CLN6: variants seen among roughly 807,000 people sequenced by gnomAD.
The protein encoded by CLN6 is ceroid-lipofuscinosis neuronal protein 6.
A neutral mutation model predicts 33.3 loss-of-function variants in CLN6; 22 were observed. The ratio of observed to expected loss-of-function variants is 0.66; its 90% CI spans 0.47 to 0.94. The LOEUF is 0.94. CLN6 is among the 40% of genes least tolerant of loss of function. The pLI, the probability that CLN6 is intolerant of heterozygous loss-of-function variation, is 0.00. For missense variants in CLN6, 387 were observed against 417.1 expected (o/e 0.93, Z 0.63); for synonymous variants, 201 against 174.6 (o/e 1.15, Z -1.19).
At chr15:68,224,757 C>T (rs1019527067) in intron 1 of CLN6, among the ~76,000 whole-genome samples, 4 of 152,152 alleles carry the variant, frequency 2.6e-5, no homozygotes, top group Admixed American at 1.3e-4. Context: ...GCAACCTCAA[C>T]CCTGTCCCAA....
chr15:68,211,858 G>T lies in CLN6; in HGVS notation c.303C>A (p.Ile101=). 1.2e-6 allele frequency: 2 copies of T among 1,613,432 alleles called. No homozygotes were observed. The highest frequency in any genetic ancestry group is 1.7e-6 in the Non-Finnish European group (2 of 1,179,936). The change falls in exon 4 of 7, where the codon ATC becomes ATA. Residue 101 remains isoleucine, a synonymous_variant. Transcript: ENST00000249806. The surrounding 1 kb of genome is among the most constrained non-coding windows in gnomAD (Gnocchi z 5.9). ...GTGGCAGGGTGCGGGGGGACCGCTC[G>T]ATGAGCTGGGGTTCAGAGTGGGGTT... ...VITPFLLLKL[I]ERSPRTLPRS...
chr15:68,255,959 A>G (rs2141168809), intron 1 of CLN6, among the ~76,000 whole-genome samples: 1 of 151,902 alleles, frequency 6.6e-6, no homozygotes, highest in East Asian at 1.9e-4. Context: ...ATGCCTGGCT[A>G]ATTAATTTTT....
rs1430252107 is a variant in CLN6, at chr15:68,228,653, C to T, written c.83+849G>A. Among the ~76,000 whole-genome samples, 2 of 152,102 alleles carry T rather than the reference C, an allele frequency of 1.3e-5. No homozygotes were observed. The highest frequency in any genetic ancestry group is 4.8e-5 in the African/African-American group (2 of 41,404). ...CAGCCTGTCTTCCCTGGGTCCCCTA[C>T]CAAGTCCTCTGAGACTCAGCTCAAG... On this transcript the variant is annotated intron_variant, in intron 1 of 6. Transcript: ENST00000249806. The surrounding 1 kb of genome is among the most constrained non-coding windows in gnomAD (Gnocchi z 4.4).
chr15:68,222,042 G>A (rs1234366504), intron 1 of CLN6, among the ~76,000 whole-genome samples: 1 of 147,766 alleles, frequency 6.8e-6, no homozygotes, highest in African/African-American at 2.5e-5. Context: ...CGTCTGGGAT[G>A]TGAGGAGCGC....
intron 1 of CLN6, among the ~76,000 whole-genome samples, chr15:68,245,383 T>C (rs976258473): frequency 1.3e-5 from 2 of 151,960 alleles, no homozygotes; most frequent in African/African-American, 4.8e-5. Context: ...GGCAACATGT[T>C]GAAACCTCAT....
At chr15:68,232,880 A>G (rs953588472), upstream of CLN6, among the ~76,000 whole-genome samples, 2 of 152,058 alleles carry the variant, frequency 1.3e-5, no homozygotes, top group Non-Finnish European at 2.9e-5. This position sits in a 1 kb window ranked among gnomAD's most constrained non-coding sequence, Gnocchi z 4.7. Context: ...TGTCTCTACT[A>G]AAAATACAAA....
At chr15:68,249,312 C>T (rs367848909) in intron 1 of CLN6, among the ~76,000 whole-genome samples, 1 of 152,228 alleles carries the variant, frequency 6.6e-6, no homozygotes, top group Non-Finnish European at 1.5e-5. Context: ...CCAGCAATTC[C>T]ACCACTGGGT....
At chr15:68,251,943 A>ATG (rs1029362697) in intron 1 of CLN6, among the ~76,000 whole-genome samples, 5 of 139,970 alleles carry the variant, frequency 3.6e-5, no homozygotes, top group African/African-American at 1.0e-4. Context: ...GTGCGTGTGT[A>ATG]TGTGTGTGTG....
rs906932953 is a variant in CLN6 at position 68,227,165 on chromosome 15, G to A, written c.83+2337C>T. Among the ~76,000 whole-genome samples the A allele has an allele frequency of 1.3e-5, 2 of 151,942 alleles. No homozygotes were observed. The highest frequency in any genetic ancestry group is 4.8e-5 in the African/African-American group (2 of 41,448). ...GGATCCTGGTGCCTCAGCCTCCTGA[G>A]TAGCTGGGATTACAGGCATGGGCCA... On this transcript the variant is annotated intron_variant, in intron 1 of 6. Transcript: ENST00000249806. The surrounding 1 kb of genome is among the most constrained non-coding windows in gnomAD (Gnocchi z 4.1).
At chr15:68,238,348 G>T (rs2141161125) in intron 1 of CLN6, among the ~76,000 whole-genome samples, 1 of 151,936 alleles carries the variant, frequency 6.6e-6, no homozygotes. Flanking sequence ...AGGTTGCAGT[G>T]AGTCCAGATC....
chr15:68,231,865 G>C (rs1595827993), upstream of CLN6, among the ~76,000 whole-genome samples: 1 of 152,182 alleles, frequency 6.6e-6, no homozygotes, highest in South Asian at 2.1e-4. Context: ...ATCCCACCAG[G>C]ACACTTTAAA....
At chr15:68,221,553 G>A (rs1458668699) in intron 1 of CLN6, among the ~76,000 whole-genome samples, 2 of 152,182 alleles carry the variant, frequency 1.3e-5, no homozygotes, top group Admixed American at 1.3e-4. Context: ...CCAGGCTGGA[G>A]TGCAGTGGCG....
Position 68,242,536 on chromosome 15 carries a change from A to T in CLN6, c.179+14154T>A, listed in dbSNP as rs1056786671. Among the ~76,000 whole-genome samples the T allele has an allele frequency of 5.3e-5, 8 of 152,126 alleles. No homozygotes were observed. Among genetic ancestry groups the T allele is most frequent in the Non-Finnish European group, 1.0e-4 (7 of 68,012 alleles). ...CTTAAATAAATAATAAGGAGACTCC[A>T]TCTCAAAATAAATAAATAAATAAAT... is the stretch of plus-strand genomic sequence containing the variant. On this transcript the variant is annotated intron_variant, in intron 1 of 6. Coordinates refer to the CLN6 transcript ENST00000538696. The surrounding 1 kb of genome is among the most constrained non-coding windows in gnomAD (Gnocchi z 5.0).
At position 68,211,701 on chromosome 15, in the gene CLN6, T is replaced by C. The variant is rs758634306; in HGVS notation, c.460A>G (p.Ile154Val). The change falls in exon 4 of 7, where the codon ATC (isoleucine) becomes GTC (valine). Residue 154 changes from isoleucine (I) to valine (V), a missense_variant. Coordinates refer to ENST00000249806, the MANE Select transcript of CLN6 (RefSeq NM_017882.3). This position sits in a 1 kb window ranked among gnomAD's most constrained non-coding sequence, Gnocchi z 5.9. ...AGCGTCTCCGGCTTGAGATTCTTGA[T>C]GATGGGGTTCTCACGGACAGACAGG... ...HHLSVRENPI[I>V]KNLKPETLID... 2.5e-6 allele frequency: 4 copies of C among 1,613,784 alleles called. No individual in the cohort carries two copies. In the South Asian group the frequency reaches 3.3e-5, roughly 13 times the overall value.
intron 1 of CLN6, among the ~76,000 whole-genome samples, chr15:68,223,188 G>A (rs891947690): frequency 8.5e-5 from 13 of 152,198 alleles, no homozygotes; most frequent in Admixed American, 1.3e-4. Flanking sequence ...CTTGCATGAG[G>A]GAAGGGAGCC....
rs1311316531 is a variant in CLN6 at position 68,247,316 on chromosome 15, G to A, written c.179+9374C>T. Among the ~76,000 whole-genome samples, 2 of 152,052 alleles carry A rather than the reference G, an allele frequency of 1.3e-5. No individual in the cohort carries two copies. Among genetic ancestry groups the A allele is most frequent in the African/African-American group, 2.4e-5 (1 of 41,372 alleles). Reference sequence around the variant, plus strand: ...ACTGATAAACAAATGCAGTAAAGTCGCTGGATACAAAATCAACAGACAAAA... The same window carrying A: ...ACTGATAAACAAATGCAGTAAAGTCACTGGATACAAAATCAACAGACAAAA... On this transcript the variant is annotated intron_variant, in intron 1 of 6. Transcript: ENST00000538696. This position sits in a 1 kb window ranked among gnomAD's most constrained non-coding sequence, Gnocchi z 4.2.
rs1435198655 is a variant in CLN6 at position 68,219,799 on chromosome 15, C to T, written c.84-1149G>A. 1.3e-5 allele frequency among the ~76,000 whole-genome samples: 2 copies of T among 152,194 alleles called. No individual in the cohort carries two copies. The highest frequency in any genetic ancestry group is 4.8e-5 in the African/African-American group (2 of 41,434). On this transcript the variant is annotated intron_variant, in intron 1 of 6. Coordinates refer to ENST00000249806, the MANE Select transcript of CLN6 (RefSeq NM_017882.3). This position sits in a 1 kb window ranked among gnomAD's most constrained non-coding sequence, Gnocchi z 4.2. The stretch of plus-strand genomic sequence containing the variant: ...GCAATTACTTGCACACCTCCAGGGA[C>T]AAGCAGCCAGCCACATCCTAAGAGG...
chr15:68,229,600 C>T lies in CLN6; in HGVS notation c.-16G>A. ...TCGCCTCCATGGCTGCCCCGCAGGC[C>T]CCTCGGCCCTGCCTTTCCGAGGAAG... On this transcript the variant is annotated 5_prime_UTR_variant, in exon 1 of 7. Coordinates refer to ENST00000249806, the MANE Select transcript of CLN6 (RefSeq NM_017882.3). 2 of 1,455,170 alleles carry T rather than the reference C, an allele frequency of 1.4e-6. No homozygotes were observed. Among genetic ancestry groups the T allele is most frequent in the Admixed American group, 2.4e-5 (1 of 41,012 alleles). The allele number at this position is 1,455,170 out of a possible 1,614,324, so 90.1% of individuals were successfully genotyped here.
At chr15:68,237,421 G>A (rs1286490965) in intron 1 of CLN6, among the ~76,000 whole-genome samples, 8 of 152,108 alleles carry the variant, frequency 5.3e-5, no homozygotes, top group Non-Finnish European at 1.0e-4. Flanking sequence ...CCAAAAGGTC[G>A]GGGCTGCAGT....
Sources: gnomAD v4.1 joint callset for allele counts (sites outside exome capture counted in the v4.1 genomes callset) on GRCh38, gnomAD v4.1.1 for gene constraint, Gnocchi (gnomAD v3.1) non-coding constraint, MANE v1.5 for transcripts, NCBI Gene and HGNC (gene_info 2026-07-23, HGNC 2026-07-21) for gene names.